Variants in SDK2 observed in about 807,000 individuals in gnomAD.
SDK2 encodes protein sidekick-2.
A neutral mutation model predicts 253.9 loss-of-function variants in SDK2; 105 were observed. The ratio of observed to expected loss-of-function variants is 0.41; its 90% CI spans 0.35 to 0.49. The LOEUF is 0.49. Among genes scored for constraint, SDK2 ranks in the 20% least tolerant of loss-of-function variants. The pLI is 0.06. For missense variants in SDK2, 2,608 were observed against 3,003.0 expected, an observed-to-expected ratio of 0.87 and a Z score of 3.07; for synonymous variants, 1,249 against 1,234.9, an observed-to-expected ratio of 1.01 and a Z score of -0.24.
intron 2 of SDK2, among the ~76,000 whole-genome samples, chr17:73,482,359 A>C: frequency 6.6e-6 from 1 of 152,168 alleles, no homozygotes; most frequent in East Asian, 1.9e-4. Flanking sequence ...TGTGTCTGAA[A>C]GCGGCTGCTC....
At position 73,422,450 on chromosome 17, in the gene SDK2, G is replaced by C; in HGVS notation, c.1898-16C>G. On this transcript the variant is annotated splice_polypyrimidine_tract_variant and intron_variant, in intron 14 of 44. Transcript: ENST00000392650. ...CAGGGGGCATCTGCAGGGACAGTGA[G>C]TGGGGCAGAAGTGGGTATCTTGGGT... 4.3e-6 allele frequency: 7 copies of C among 1,613,208 alleles called. No homozygotes were observed. Among genetic ancestry groups the C allele is most frequent in the Non-Finnish European group, 5.9e-6 (7 of 1,179,276 alleles).
intron 1 of SDK2, among the ~76,000 whole-genome samples, chr17:73,552,213 C>T (rs934090550): frequency 2.6e-5 from 4 of 152,206 alleles, no homozygotes; most frequent in Non-Finnish European, 5.9e-5. Flanking sequence ...TAATTACCAG[C>T]CTCTAGCCGG....
At chr17:73,476,590 A>C (rs889894337) in intron 2 of SDK2, among the ~76,000 whole-genome samples, 1 of 152,220 alleles carries the variant, frequency 6.6e-6, no homozygotes, top group Admixed American at 6.5e-5. Flanking sequence ...GGTGAAATTT[A>C]AACTTTAATA....
intron 1 of SDK2, among the ~76,000 whole-genome samples, chr17:73,635,495 C>T (rs976834162): frequency 1.9e-4 from 29 of 152,152 alleles, no homozygotes; most frequent in African/African-American, 6.5e-4. Context: ...ATCTGTACCT[C>T]CAGGGAGGTG....
intron 1 of SDK2, among the ~76,000 whole-genome samples, chr17:73,631,387 G>A (rs184843270): frequency 7.9e-5 from 12 of 152,342 alleles, no homozygotes; most frequent in Non-Finnish European, 1.3e-4. Flanking sequence ...CACACTGCCC[G>A]TGGGGAAGAG....
chr17:73,388,331 C>A (rs115677841), intron 29 of SDK2, among the ~76,000 whole-genome samples: 20 of 152,326 alleles, frequency 1.3e-4, no homozygotes, highest in African/African-American at 4.8e-4. Flanking sequence ...AACACCCACC[C>A]AGCTCCTTTG....
At position 73,338,959 on chromosome 17, in the gene SDK2, AG is replaced by A; in HGVS notation, c.6166-20del. On this transcript the variant is annotated intron_variant, in intron 44 of 44. Transcript: ENST00000392650. The surrounding 1 kb of genome is among the most constrained non-coding windows in gnomAD (Gnocchi z 5.0). ...CACTTCCCTGGGAGGACAGAGAATC[AG>A]GGTGTGTCAGTGGCCCCGTAGGGAC... 1 of 1,609,738 alleles carries A rather than the reference AG, an allele frequency of 6.2e-7. No individual in the cohort carries two copies. Among genetic ancestry groups the A allele is most frequent in the Non-Finnish European group, 8.5e-7 (1 of 1,176,188 alleles).
intron 1 of SDK2, among the ~76,000 whole-genome samples, chr17:73,533,691 AC>A (rs950432548): frequency 2.5e-4 from 8 of 32,492 alleles, no homozygotes; most frequent in Middle Eastern, 0.033. Flanking sequence ...CCACCCCCCC[AC>A]CCCCCCAGAC....
At chr17:73,408,675 T>C (rs1024863273) in intron 18 of SDK2, among the ~76,000 whole-genome samples, 2 of 152,128 alleles carry the variant, frequency 1.3e-5, no homozygotes, top group African/African-American at 2.4e-5. Context: ...GAAAATTCTG[T>C]TGGACAAATG....
At chr17:73,604,339 G>C (rs562772025) in intron 1 of SDK2, among the ~76,000 whole-genome samples, 1 of 152,284 alleles carries the variant, frequency 6.6e-6, no homozygotes, top group East Asian at 1.9e-4. Context: ...CTTGTCCTTC[G>C]CATCATCTCC....
At chr17:73,445,152 G>T (rs1343665491) in intron 5 of SDK2, among the ~76,000 whole-genome samples, 1 of 152,126 alleles carries the variant, frequency 6.6e-6, no homozygotes, top group African/African-American at 2.4e-5. Context: ...TGTGATATAA[G>T]CGTAAAATAC....
At position 73,616,488 on chromosome 17, in the gene SDK2, C is replaced by T. The variant is rs969072630; in HGVS notation, c.64+27537G>A. Among the ~76,000 whole-genome samples, 1 of 152,146 alleles carries T rather than the reference C, an allele frequency of 6.6e-6. No homozygotes were observed. Among genetic ancestry groups the T allele is most frequent in the Non-Finnish European group, 1.5e-5 (1 of 68,034 alleles). Reference sequence around the variant, plus strand: ...CTGTCGCAATGCTTAGGCCTGAGCACGCATTTGTCTTTGTTTGGTTTGTTG... The same window carrying T: ...CTGTCGCAATGCTTAGGCCTGAGCATGCATTTGTCTTTGTTTGGTTTGTTG... On this transcript the variant is annotated intron_variant, in intron 1 of 44. Coordinates refer to ENST00000392650, the MANE Select transcript of SDK2 (RefSeq NM_001144952.2). This position sits in a 1 kb window ranked among gnomAD's most constrained non-coding sequence, Gnocchi z 5.2.
chr17:73,349,006 G>A (rs1385037543), intron 43 of SDK2, among the ~76,000 whole-genome samples: 2 of 152,384 alleles, frequency 1.3e-5, no homozygotes, highest in East Asian at 3.9e-4. Context: ...CCCACATCCT[G>A]GGGCTGCTTT....
At chr17:73,340,734 G>GTTTTTTTTTTTTT (rs10638504) in intron 44 of SDK2, among the ~76,000 whole-genome samples, 5 of 77,558 alleles carry the variant, frequency 6.4e-5, no homozygotes, top group East Asian at 4.8e-4. Flanking sequence ...AAACCTTAAA[G>GTTTTTTTTTTTTT]TTTTTTTTTT....
intron 2 of SDK2, among the ~76,000 whole-genome samples, chr17:73,505,043 C>G (rs1265076010): frequency 4.9e-5 from 7 of 142,560 alleles, no homozygotes; most frequent in Non-Finnish European, 1.1e-4. Context: ...ATGAGTTTCC[C>G]AAGTGCGCGC....
In SDK2 at chr17:73,534,252, G is replaced by A. The variant is rs114425223; in HGVS notation, c.65-26655C>T. Among the ~76,000 whole-genome samples, 1,081 of 152,334 alleles carry A rather than the reference G, an allele frequency of 7.1e-3. 9 individuals carry two copies. Among genetic ancestry groups the A allele is most frequent in the African/African-American group, 0.025 (1,033 of 41,576 alleles). On this transcript the variant is annotated intron_variant, in intron 1 of 44. Coordinates refer to ENST00000392650, the MANE Select transcript of SDK2 (RefSeq NM_001144952.2). The surrounding 1 kb of genome is among the most constrained non-coding windows in gnomAD (Gnocchi z 4.9). ...AATGCATGTGTAATGAACGAATGAG[G>A]ATCAAAAAGCAGATGCAAGAGCGGG...
rs149437179 is a variant in SDK2, at chr17:73,568,161, C to T, written c.65-60564G>A. Reference sequence around the variant, plus strand: ...GGCAGATCCCTTGGTGCCCTTCCCACGGTAATGGGTGAATTCTCGCTCTGT... The same window carrying T: ...GGCAGATCCCTTGGTGCCCTTCCCATGGTAATGGGTGAATTCTCGCTCTGT... On this transcript the variant is annotated intron_variant, in intron 1 of 44. Coordinates refer to ENST00000392650, the MANE Select transcript of SDK2 (RefSeq NM_001144952.2). Among the ~76,000 whole-genome samples the T allele has an allele frequency of 2.2e-3, 342 of 152,244 alleles. 1 individual carries two copies. The highest frequency in any genetic ancestry group is 7.7e-3 in the African/African-American group (318 of 41,552).
At chr17:73,607,530 T>C (rs764801185) in intron 1 of SDK2, among the ~76,000 whole-genome samples, 5 of 152,098 alleles carry the variant, frequency 3.3e-5, no homozygotes, top group Admixed American at 1.3e-4. Context: ...GGAAGGGGTC[T>C]CGGGTGGGAG....
At chr17:73,409,978 C>T (rs1449830833) in intron 18 of SDK2, among the ~76,000 whole-genome samples, 2 of 152,158 alleles carry the variant, frequency 1.3e-5, no homozygotes, top group Non-Finnish European at 2.9e-5. Flanking sequence ...TCTTAGCCTC[C>T]TGAGTAGCTG....
Sources: allele counts gnomAD v4.1 joint callset (sites outside exome capture counted in the v4.1 genomes callset), GRCh38; gene constraint gnomAD v4.1.1; non-coding constraint Gnocchi (gnomAD v3.1); transcripts MANE v1.5; gene names NCBI Gene and HGNC (gene_info 2026-07-23, HGNC 2026-07-21).